SEC24C: variants seen among roughly 807,000 people sequenced by gnomAD.
The protein encoded by SEC24C is protein transport protein Sec24C.
In SEC24C, 22 loss-of-function variants were observed where a neutral mutation model predicts 117.0. The ratio of observed to expected loss-of-function variants is 0.19; its 90% CI spans 0.13 to 0.27. The LOEUF (loss-of-function observed/expected upper bound fraction) is 0.27, where lower values mean the gene tolerates loss of function less well. Ranked by LOEUF, SEC24C falls within the 10% of genes least tolerant of loss-of-function variation. The pLI is 1.00. For synonymous variants in SEC24C, 506 were observed against 529.4 expected, an observed-to-expected ratio of 0.96 and a Z score of 0.61; for missense variants, 1,155 against 1,375.1, an observed-to-expected ratio of 0.84 and a Z score of 2.53.
Position 73,765,826 on chromosome 10 carries a change from G to A in SEC24C, c.1393G>A (p.Asp465Asn). ...DVPPQYFQHL[D>N]HTGKRVDAYD... ...TCCCCCCCAGTATTTTCAGCACCTGGATCATACCGGCAAACGTGTGGATGC... is the reference window on the plus strand; with the variant it reads ...TCCCCCCCAGTATTTTCAGCACCTGAATCATACCGGCAAACGTGTGGATGC... The change falls in exon 10 of 23, where the codon GAT becomes AAT. Residue 465 changes from aspartate to asparagine, a missense_variant. Around this residue, in one of 2 missense-constraint regions of SEC24C, gnomAD observed 759 missense variants for 992.3 expected, o/e 0.76. Coordinates refer to ENST00000345254, the MANE Select transcript of SEC24C (RefSeq NM_198597.3). 1 of 1,614,106 alleles carries A rather than the reference G, an allele frequency of 6.2e-7. No homozygotes were observed. The highest frequency in any genetic ancestry group is 8.5e-7 in the Non-Finnish European group (1 of 1,179,990).
rs992922494 is a variant in SEC24C, at chr10:73,766,863, G to A, written c.1893+10G>A. 18 of 1,611,306 alleles carry A rather than the reference G, an allele frequency of 1.1e-5. No individual in the cohort carries two copies. Among genetic ancestry groups the A allele is most frequent in the Non-Finnish European group, 1.5e-5 (18 of 1,177,402 alleles). The stretch of plus-strand genomic sequence containing the variant: ...AATGGAGGCTCTGAAGGTAAGGCTG[G>A]AGTATCGGGCAACCTCCTCTAACTC... On this transcript the variant is annotated intron_variant, in intron 13 of 22. Transcript: ENST00000345254.
Position 73,771,372 on chromosome 10 carries a change from G to A in SEC24C, c.*277G>A, listed in dbSNP as rs989869024. The A allele has an allele frequency of 6.3e-5, 24 of 383,406 alleles. No homozygotes were observed. The highest frequency in any genetic ancestry group is 2.7e-4 in the African/African-American group (13 of 48,184). 23.8% of individuals were successfully genotyped at this position (383,406 alleles called of 1,614,324 possible). A position where few individuals can be genotyped will look rare whatever the true frequency, so the allele number is the denominator to read the frequency against. ...CTTCTCAGTTCACTGTATATGATTC[G>A]GTATTGGGGGTTTGGAGGCACCCAG... is the stretch of plus-strand genomic sequence containing the variant. On this transcript the variant is annotated 3_prime_UTR_variant, in exon 23 of 23. Transcript: ENST00000345254.
intron 3 of SEC24C, among the ~76,000 whole-genome samples, chr10:73,759,070 A>T (rs974455199): frequency 2.6e-5 from 4 of 151,958 alleles, no homozygotes; most frequent in African/African-American, 9.7e-5. Flanking sequence ...GTGGCGTGTG[A>T]CTTTCGTTTC....
rs1307298986 is a variant in SEC24C at position 73,746,787 on chromosome 10, T to G, written c.-28-18T>G. The G allele has an allele frequency of 2.6e-6, 4 of 1,534,160 alleles. No individual in the cohort carries two copies. Among genetic ancestry groups the G allele is most frequent in the Non-Finnish European group, 3.5e-6 (4 of 1,131,722 alleles). On this transcript the variant is annotated intron_variant, in intron 1 of 22. Coordinates refer to ENST00000345254, the MANE Select transcript of SEC24C (RefSeq NM_198597.3). The stretch of plus-strand genomic sequence containing the variant: ...CTTTAGAAAGTTCATTTTGACTAAT[T>G]TCTCCTCTCTCTCACAGGTGAGATC...
intron 3 of SEC24C, among the ~76,000 whole-genome samples, chr10:73,757,941 A>C (rs1035261822): frequency 2.0e-5 from 3 of 150,222 alleles, no homozygotes; most frequent in Admixed American, 6.6e-5. Flanking sequence ...AAAAAAAAAA[A>C]AAAAAAACGT....
chr10:73,751,705 T>C (rs2082645254), intron 3 of SEC24C: 2 of 152,304 alleles, frequency 1.3e-5, no homozygotes, highest in Non-Finnish European at 2.9e-5. Context: ...TACTTTGTCT[T>C]CTTTTTTCCA....
Position 73,760,126 on chromosome 10 carries a change from C to G in SEC24C, c.590C>G (p.Pro197Arg), listed in dbSNP as rs1372479582. The G allele has an allele frequency of 6.2e-7, 1 of 1,613,532 alleles. No individual in the cohort carries two copies. The highest frequency in any genetic ancestry group is 1.3e-5 in the African/African-American group (1 of 74,878). The change falls in exon 5 of 23, where the codon CCT becomes CGT. Residue 197 changes from proline to arginine, a missense_variant. Pro to Arg is a moderately radical substitution (Grantham distance 103). Coordinates refer to ENST00000345254, the MANE Select transcript of SEC24C (RefSeq NM_198597.3). ...CCCCTTAGCCAGGCCCAAGGTCATC[C>G]TGGGATCCAGACTCCCCAGCGATCT... ...APPLSQAQGH[P>R]GIQTPQRSAP...
intron 3 of SEC24C, among the ~76,000 whole-genome samples, chr10:73,758,509 C>A (rs964787534): frequency 6.6e-6 from 1 of 152,172 alleles, no homozygotes; most frequent in African/African-American, 2.4e-5. Flanking sequence ...ACATTTTCAT[C>A]ATCTGAAGAA....
chr10:73,765,448 T>C lies in SEC24C; in HGVS notation c.1228-3T>C, dbSNP rs747089169. The C allele has an allele frequency of 2.2e-5, 36 of 1,609,120 alleles. No individual in the cohort carries two copies. The South Asian group carries it at 3.7e-4, about 17-fold the overall frequency. On this transcript the variant is annotated splice_polypyrimidine_tract_variant and splice_region_variant and intron_variant, in intron 8 of 22. Transcript: ENST00000345254. ...GTCTGATCCCTTCCCCTTTGCGCCTTAGGCTTCACCGTATGTTGTGGACCA... is the reference window on the plus strand; with the variant it reads ...GTCTGATCCCTTCCCCTTTGCGCCTCAGGCTTCACCGTATGTTGTGGACCA...
At chr10:73,765,405 A>G in intron 8 of SEC24C, 46 bp from the exon 9 acceptor site, 1 of 1,587,750 alleles carries the variant, frequency 6.3e-7, no homozygotes, top group Non-Finnish European at 8.6e-7. Flanking sequence ...GGCTGAACCT[A>G]CTGTGGTTTT....
At chr10:73,763,744 A>AAAGCCACC (rs2082836166) in intron 7 of SEC24C, 112 bp from the exon 8 acceptor site, 9 of 1,143,230 alleles carry the variant, frequency 7.9e-6, no homozygotes, top group Non-Finnish European at 9.5e-6. Context: ...TCTGGGGGAA[A>AAAGCCACC]AAGCCACCAT....
At chr10:73,770,599 G>A (rs1266866488) in intron 21 of SEC24C, 110 bp from the exon 22 acceptor site, 1 of 1,500,798 alleles carries the variant, frequency 6.7e-7, no homozygotes, top group Non-Finnish European at 9.3e-7. Context: ...GGCAGTTGCT[G>A]TCATTCTTCC....
In SEC24C at chr10:73,768,356, G is replaced by A. The variant is rs1012977703; in HGVS notation, c.2181+349G>A. 2.0e-5 allele frequency among the ~76,000 whole-genome samples: 3 copies of A among 152,180 alleles called. No homozygotes were observed. In the South Asian group the frequency reaches 6.2e-4, roughly 32 times the overall value. ...TGCGCCACTGCACTCCAGCCAGAGC[G>A]ACAGAGTAAGACTCCGTCTCCAAAA... is the stretch of plus-strand genomic sequence containing the variant. On this transcript the variant is annotated intron_variant, in intron 15 of 22. Transcript: ENST00000345254.
rs769805699 is a variant in SEC24C at position 73,770,680 on chromosome 10, C to T, written c.3055-29C>T. ...CTTGACTGAACTCAGAGTGCCTTAC[C>T]ATAAGGATAAATGAATTTTGTGTTC... On this transcript the variant is annotated intron_variant, in intron 21 of 22. Transcript: ENST00000345254. 20 of 1,611,566 alleles carry T rather than the reference C, an allele frequency of 1.2e-5. No homozygotes were observed. The East Asian group carries it at 2.7e-4, about 22-fold the overall frequency.
chr10:73,749,814 T>G (rs1404436734), intron 2 of SEC24C, among the ~76,000 whole-genome samples: 1 of 152,218 alleles, frequency 6.6e-6, no homozygotes, highest in Non-Finnish European at 1.5e-5. Context: ...AGTGCTGGGA[T>G]TACAGGCGTG....
Position 73,771,047 on chromosome 10 carries a change from G to A in SEC24C, c.3237G>A (p.Val1079=). The A allele has an allele frequency of 6.2e-7, 1 of 1,614,142 alleles. No homozygotes were observed. The highest frequency in any genetic ancestry group is 8.5e-7 in the Non-Finnish European group (1 of 1,180,030). The change falls in exon 23 of 23, where the codon GTG becomes GTA. Residue 1079 remains valine (V), a synonymous_variant. Transcript: ENST00000345254. ...GTCTGAGTGGGGGAGCATCTTATGT[G>A]GACTTTCTCTGTCATATGCACAAGG... is the stretch of plus-strand genomic sequence containing the variant. The part of the protein sequence containing the change: ...DKSLSGGASY[V]DFLCHMHKEI...
intron 3 of SEC24C, among the ~76,000 whole-genome samples, chr10:73,757,373 A>AG (rs1157637296): frequency 6.6e-6 from 1 of 150,422 alleles, no homozygotes; most frequent in Admixed American, 6.6e-5. Flanking sequence ...AAAAAAAAAA[A>AG]TAGCTGAGCA....
rs754029198 is a variant in SEC24C at position 73,768,792 on chromosome 10, G to A, written c.2182-18G>A. On this transcript the variant is annotated intron_variant, in intron 15 of 22. Coordinates refer to ENST00000345254, the MANE Select transcript of SEC24C (RefSeq NM_198597.3). ...TATGTCTAGTCAGTGACATGACTCTGGACCTGGGGGCCTGCAGGTGGAGAA... is the reference window on the plus strand; with the variant it reads ...TATGTCTAGTCAGTGACATGACTCTAGACCTGGGGGCCTGCAGGTGGAGAA... 6.2e-7 allele frequency: 1 copy of A among 1,611,866 alleles called. No homozygotes were observed. Among genetic ancestry groups the A allele is most frequent in the South Asian group, 1.1e-5 (1 of 90,956 alleles).
At chr10:73,763,666 G>GTTTTTTT (rs1565044336) in intron 7 of SEC24C, 65 bp downstream of exon 7, 37 of 212,888 alleles carry the variant, frequency 1.7e-4, no homozygotes, top group Non-Finnish European at 2.0e-4. Context: ...TATGGTTGGG[G>GTTTTTTT]CTTTTTTTTT....
Sources: allele counts gnomAD v4.1 joint callset (sites outside exome capture counted in the v4.1 genomes callset), GRCh38; gene constraint gnomAD v4.1.1; regional missense constraint gnomAD v4.1.1; transcripts MANE v1.5; gene names NCBI Gene and HGNC (gene_info 2026-07-23, HGNC 2026-07-21).